The following LCP2 variants were observed in gnomAD, a reference collection of about 807,000 sequenced individuals.
The protein encoded by LCP2 is lymphocyte cytosolic protein 2.
LCP2 carries 29 observed loss-of-function variants against 74.5 expected under a neutral mutation model. The ratio of observed to expected loss-of-function variants is 0.39; its 90% CI spans 0.29 to 0.53. The LOEUF is 0.53. Among genes scored for constraint, LCP2 ranks in the 20% least tolerant of loss-of-function variants. The pLI is 0.72. For missense variants in LCP2, 604 were observed against 634.6 expected (o/e 0.95, Z 0.52); for synonymous variants, 228 against 229.5 (o/e 0.99, Z 0.06).
intron 20 of LCP2, among the ~76,000 whole-genome samples, chr5:170,249,409 AT>A (rs1461235079): frequency 6.7e-6 from 1 of 149,780 alleles, no homozygotes; most frequent in Non-Finnish European, 1.5e-5. Context: ...TATATATGTA[AT>A]TTGAAATGCA....
intron 3 of LCP2, among the ~76,000 whole-genome samples, chr5:170,285,921 C>T (rs931056324): frequency 6.6e-6 from 1 of 152,214 alleles, no homozygotes; most frequent in Non-Finnish European, 1.5e-5. Context: ...GTCCACCAGA[C>T]CCAGCACTGT....
In LCP2 at chr5:170,287,856, T is replaced by C. The variant is rs1016390108; in HGVS notation, c.188+114A>G. ...CTGCCCTTGCCCTCATCCTTCCTAC[T>C]TGCTTTCTTATTTCAAGCCGACAAT... is the stretch of plus-strand genomic sequence containing the variant. On this transcript the variant is annotated intron_variant, in intron 3 of 20. Transcript: ENST00000046794. 1.9e-5 allele frequency: 18 copies of C among 961,580 alleles called. 1 individual carries two copies. The highest frequency in any genetic ancestry group is 2.8e-5 in the Non-Finnish European group (17 of 599,336). The allele number at this position is 961,580 out of a possible 1,614,324, so 59.6% of individuals were successfully genotyped here.
chr5:170,259,048 G>A (rs985311861), intron 14 of LCP2, among the ~76,000 whole-genome samples, 170 bp from the exon 15 acceptor site: 2 of 152,170 alleles, frequency 1.3e-5, no homozygotes, highest in African/African-American at 4.8e-5. Flanking sequence ...GTTGCTAAGT[G>A]TTTTACAATT....
At chr5:170,273,178 G>A (rs764543171) in intron 6 of LCP2, among the ~76,000 whole-genome samples, 51 of 152,048 alleles carry the variant, frequency 3.4e-4, no homozygotes, top group Non-Finnish European at 2.5e-4. Context: ...GGCACATAAC[G>A]GAGCTGCCAA....
chr5:170,289,701 C>CT (rs2113212388), intron 2 of LCP2, among the ~76,000 whole-genome samples: 2 of 131,166 alleles, frequency 1.5e-5, no homozygotes, highest in Admixed American at 8.1e-5. Flanking sequence ...TTCTTTCTTT[C>CT]CTTCTTTCTT....
intron 17 of LCP2, among the ~76,000 whole-genome samples, chr5:170,253,626 T>C (rs918210951): frequency 5.3e-5 from 8 of 152,150 alleles, no homozygotes; most frequent in African/African-American, 1.9e-4. Flanking sequence ...ACAGCTGATG[T>C]AGGGACAATG....
chr5:170,293,812 T>C (rs1432716049), intron 1 of LCP2, among the ~76,000 whole-genome samples: 2 of 152,264 alleles, frequency 1.3e-5, no homozygotes, highest in Admixed American at 1.3e-4. Flanking sequence ...GACTTTTTTC[T>C]CTTAAATTAC....
At chr5:170,278,628 C>T (rs549963162) in intron 3 of LCP2, among the ~76,000 whole-genome samples, 60 of 152,172 alleles carry the variant, frequency 3.9e-4, no homozygotes, top group African/African-American at 1.2e-3. Context: ...CTCACCTCAA[C>T]GCCCTCCTCC....
At position 170,248,629 on chromosome 5, in the gene LCP2, C is replaced by G. The variant is rs764949590; in HGVS notation, c.*68G>C. 2.8e-5 allele frequency: 45 copies of G among 1,585,968 alleles called. No individual in the cohort carries two copies. Among genetic ancestry groups the G allele is most frequent in the Non-Finnish European group, 3.7e-5 (43 of 1,159,706 alleles). The stretch of plus-strand genomic sequence containing the variant: ...TCAGTCCTAAGTGTTTGTCCATTGA[C>G]CAAGGCTGATTGATCTCGTGTTGGC... On this transcript the variant is annotated 3_prime_UTR_variant, in exon 21 of 21. Coordinates refer to ENST00000046794, the MANE Select transcript of LCP2 (RefSeq NM_005565.5).
Position 170,288,009 on chromosome 5 carries a change from G to C in LCP2, c.149C>G (p.Thr50Arg). Residue 50 changes from threonine (T) to arginine (R), a missense_variant, in exon 3 of 21, where the codon ACA becomes AGA. Physicochemically the swap from Thr to Arg is moderately conservative, Grantham distance 71. Transcript: ENST00000046794. ...GGGGAACTTCTGGATGTCATTTTCT[G>C]TCAGGTTCTGAAATGAAGACACATA... Reference protein sequence around the residue: ...HIDGARFLNLTENDIQKFPKL... With the variant: ...HIDGARFLNLRENDIQKFPKL... The C allele has an allele frequency of 1.2e-6, 2 of 1,613,940 alleles. No individual in the cohort carries two copies. The highest frequency in any genetic ancestry group is 8.5e-7 in the Non-Finnish European group (1 of 1,179,860).
chr5:170,289,671 T>TTCTTTCTTTCTTTCTCTC (rs1554141414), intron 2 of LCP2, among the ~76,000 whole-genome samples: 9 of 84,128 alleles, frequency 1.1e-4, no homozygotes, highest in East Asian at 4.8e-4. Context: ...CTTTCTTTCT[T>TTCTTTCTTTCTTTCTCTC]TCTCTCTCTC....
At chr5:170,262,815 A>C in intron 12 of LCP2, 27 bp downstream of exon 12, 1 of 1,613,966 alleles carries the variant, frequency 6.2e-7, no homozygotes, top group African/African-American at 1.3e-5. Context: ...CGTCCCATGT[A>C]CCCTCATGTA....
chr5:170,275,200 A>C, intron 5 of LCP2, 120 bp downstream of exon 5: 1 of 1,083,694 alleles, frequency 9.2e-7, no homozygotes, highest in Non-Finnish European at 1.4e-6. Context: ...GAACTGGCTG[A>C]CAGACAAGTC....
chr5:170,248,704 T>C lies in LCP2; in HGVS notation c.1595A>G (p.Tyr532Cys). The C allele has an allele frequency of 6.2e-7, 1 of 1,612,026 alleles. No individual in the cohort carries two copies. Among genetic ancestry groups the C allele is most frequent in the Middle Eastern group, 1.7e-4 (1 of 6,056 alleles). Residue 532 changes from tyrosine to cysteine, a missense_variant, in exon 21 of 21, where the codon TAC (tyrosine) becomes TGC (cysteine). By Grantham distance (194) the Tyr-to-Cys change is radical (BLOSUM62 -2). Transcript: ENST00000046794. ...YQCTLTHAAG[Y>C]P ...TTGCTCGGCTATAACTTGCTATGGG[T>C]ACCCTGCAGCATGCGTTAATGTGCA...
intron 19 of LCP2, chr5:170,251,125 A>G (rs1761429156): frequency 2.3e-6 from 1 of 429,840 alleles, no homozygotes; most frequent in Non-Finnish European, 4.2e-6. Flanking sequence ...AGAAATTTCC[A>G]AGTCAATCTC....
intron 14 of LCP2, 49 bp from the exon 15 acceptor site, chr5:170,258,927 A>G (rs1423576776): frequency 1.5e-6 from 2 of 1,333,148 alleles, no homozygotes; most frequent in East Asian, 2.4e-5. Flanking sequence ...TCAAAATACA[A>G]TTCTTAAAAT....
At position 170,252,716 on chromosome 5, in the gene LCP2, T is replaced by C. The variant is rs1031499048; in HGVS notation, c.1246-205A>G. 4 of 538,470 alleles carry C rather than the reference T, an allele frequency of 7.4e-6. No homozygotes were observed. In the Admixed American group the frequency reaches 1.2e-4, roughly 17 times the overall value. 33.4% of individuals were successfully genotyped at this position (538,470 alleles called of 1,614,324 possible). A position where few individuals can be genotyped will look rare whatever the true frequency, so the allele number is the denominator to read the frequency against. On this transcript the variant is annotated intron_variant, in intron 18 of 20. Coordinates refer to ENST00000046794, the MANE Select transcript of LCP2 (RefSeq NM_005565.5). ...TGCGAACTGCTTTTTATCATGACAC[T>C]GGTTGCAAAAATGCCTGTGAATAAG...
rs766042325 is a variant in LCP2, at chr5:170,275,894, C to T, written c.189-34G>A. Reference sequence around the variant, plus strand: ...TAAAGAGACAGATGAAGAGATAAAACCATCACTCAGTCTCAACCTTCCCCC... The same window carrying T: ...TAAAGAGACAGATGAAGAGATAAAATCATCACTCAGTCTCAACCTTCCCCC... On this transcript the variant is annotated intron_variant, in intron 3 of 20. Transcript: ENST00000046794. The T allele has an allele frequency of 2.9e-5, 44 of 1,530,190 alleles. 1 individual carries two copies. In the South Asian group the frequency reaches 3.6e-4, roughly 12 times the overall value. 94.8% of individuals were successfully genotyped at this position (1,530,190 alleles called of 1,614,324 possible). A position where few individuals can be genotyped will look rare whatever the true frequency, so the allele number is the denominator to read the frequency against.
At position 170,277,112 on chromosome 5, in the gene LCP2, G is replaced by A. The variant is rs1450056215; in HGVS notation, c.189-1252C>T. On this transcript the variant is annotated intron_variant, in intron 3 of 20. Transcript: ENST00000046794. The stretch of plus-strand genomic sequence containing the variant: ...AAAAAAAAAAAGGGAGTAGCTTGAA[G>A]CCACATAGTAGTTAGTGGTAAAGGC... 2.8e-5 allele frequency among the ~76,000 whole-genome samples: 4 copies of A among 145,246 alleles called. No homozygotes were observed. The East Asian group carries it at 7.9e-4, about 29-fold the overall frequency.
Sources: gnomAD v4.1 joint callset for allele counts (sites outside exome capture counted in the v4.1 genomes callset) on GRCh38, gnomAD v4.1.1 for gene constraint, MANE v1.5 for transcripts, NCBI Gene and HGNC (gene_info 2026-07-23, HGNC 2026-07-21) for gene names.